Variants in RBFOX3 observed in about 807,000 individuals in gnomAD.
RBFOX3 encodes the protein RNA binding protein fox-1 homolog 3.
A neutral mutation model predicts 48.7 loss-of-function variants in RBFOX3; 17 were observed. That is an observed-to-expected ratio of 0.35 (90% CI 0.24 to 0.52). The LOEUF (loss-of-function observed/expected upper bound fraction) is 0.52. RBFOX3 is among the 20% of genes least tolerant of loss of function. The probability of loss-of-function intolerance (pLI) is 0.94; values close to 1 mark genes in which losing one functional copy is unlikely to be tolerated. For synonymous variants in RBFOX3, 212 were observed against 209.5 expected (o/e 1.01, Z -0.10); for missense variants, 382 against 497.5 (o/e 0.77, Z 2.21).
chr17:79,118,622 C>T (rs2034779152), intron 4 of RBFOX3, among the ~76,000 whole-genome samples: 2 of 152,002 alleles, frequency 1.3e-5, no homozygotes, highest in Non-Finnish European at 2.9e-5. Flanking sequence ...GAGCCTTCAC[C>T]GCCTTGCACT....
chr17:79,462,241 G>A (rs1255814692), intron 2 of RBFOX3, among the ~76,000 whole-genome samples: 7 of 152,308 alleles, frequency 4.6e-5, no homozygotes, highest in East Asian at 1.9e-4. Flanking sequence ...ATGCATGAAC[G>A]ATGTAACGAT....
chr17:79,590,474 A>G (rs1191392528), intron 1 of RBFOX3, among the ~76,000 whole-genome samples: 3 of 152,180 alleles, frequency 2.0e-5, no homozygotes, highest in African/African-American at 7.2e-5. Flanking sequence ...TTTGTTGCCA[A>G]GTTTGGGACT....
At chr17:79,456,472 T>C (rs1456332655) in intron 2 of RBFOX3, among the ~76,000 whole-genome samples, 2 of 151,884 alleles carry the variant, frequency 1.3e-5, no homozygotes, top group African/African-American at 4.8e-5. Context: ...ATGCATCCCC[T>C]GCTGGAGAGA....
intron 2 of RBFOX3, among the ~76,000 whole-genome samples, chr17:79,357,216 T>G (rs72849662): frequency 0.14 from 21,778 of 152,278 alleles, 1,639 homozygotes; most frequent in East Asian, 0.21. Flanking sequence ...GTGTCTGTGC[T>G]TGCACATGAG....
intron 2 of RBFOX3, among the ~76,000 whole-genome samples, chr17:79,441,952 C>T (rs1254876187): frequency 2.0e-5 from 3 of 151,962 alleles, no homozygotes; most frequent in African/African-American, 4.8e-5. Context: ...GCCCGGGCCC[C>T]GCCTTGACCT....
chr17:79,465,538 G>A (rs2076194768), intron 2 of RBFOX3, among the ~76,000 whole-genome samples: 1 of 151,246 alleles, frequency 6.6e-6, no homozygotes, highest in Non-Finnish European at 1.5e-5. Context: ...CCATCAATCA[G>A]GACAGCACCT....
rs1568158390 is a variant in RBFOX3, at chr17:79,115,585, C to T, written c.131G>A (p.Gly44Asp). The T allele has an allele frequency of 7.0e-7, 1 of 1,428,938 alleles. No homozygotes were observed. Among genetic ancestry groups the T allele is most frequent in the Non-Finnish European group, 9.2e-7 (1 of 1,090,914 alleles). The allele number at this position is 1,428,938 out of a possible 1,614,324, so 88.5% of individuals were successfully genotyped here. Residue 44 changes from glycine to aspartate, a missense_variant, in exon 5 of 15, where the codon GGC (glycine) becomes GAC (aspartate). Physicochemically the swap from Gly to Asp is moderately conservative, Grantham distance 94. Around this residue, in one of 3 missense-constraint regions of RBFOX3, gnomAD observed 118 missense variants for 132.1 expected, o/e 0.89. Transcript: ENST00000693108. ...CTGTGCTGGTGTGTACAGGGTCATG[C>T]CATGCTCTGTGGGGACCGGGGTCTG... ...SGQTPVPTEH[G>D]MTLYTPAQTH...
At chr17:79,438,411 C>T (rs531082127) in intron 2 of RBFOX3, among the ~76,000 whole-genome samples, 1 of 152,250 alleles carries the variant, frequency 6.6e-6, no homozygotes, top group Non-Finnish European at 1.5e-5. Context: ...TCTTTTCCCT[C>T]CTCTCCAAGA....
the RBFOX3 span, among the ~76,000 whole-genome samples, chr17:79,622,245 C>G: frequency 2.0e-5 from 3 of 152,236 alleles, no homozygotes; most frequent in East Asian, 5.8e-4. Context: ...AGACCGCCTG[C>G]CCGTGGAGCC....
chr17:79,529,588 G>A (rs1329360484), intron 1 of RBFOX3, among the ~76,000 whole-genome samples: 1 of 152,192 alleles, frequency 6.6e-6, no homozygotes, highest in Non-Finnish European at 1.5e-5. Context: ...GGGCCCTGCC[G>A]AGGCCCCAAG....
chr17:79,501,746 T>C (rs2082413982), intron 1 of RBFOX3, among the ~76,000 whole-genome samples: 3 of 152,208 alleles, frequency 2.0e-5, no homozygotes, highest in Non-Finnish European at 4.4e-5. Flanking sequence ...TCAATAGGCT[T>C]CAAATTAGAC....
At position 79,277,103 on chromosome 17, in the gene RBFOX3, C is replaced by A. The variant is rs147609472; in HGVS notation, c.-74+30621G>T. On this transcript the variant is annotated intron_variant, in intron 3 of 14. Coordinates refer to ENST00000693108, the MANE Select transcript of RBFOX3 (RefSeq NM_001350451.2). ...GTGGGTGACACTGGGCACATTGAGC[C>A]TTGTGTTCCACCAGGGACCAGAGTA... 2.0e-3 allele frequency among the ~76,000 whole-genome samples: 300 copies of A among 152,358 alleles called. 3 individuals are homozygous for A. The highest frequency in any genetic ancestry group is 7.0e-3 in the African/African-American group (293 of 41,582).
At chr17:79,184,113 T>C (rs2052878958) in intron 4 of RBFOX3, among the ~76,000 whole-genome samples, 2 of 488 alleles carry the variant, frequency 4.1e-3, no homozygotes. Flanking sequence ...ATGTCGGTGA[T>C]GTAATCCGAG....
At chr17:79,286,903 G>A (rs905815766) in intron 3 of RBFOX3, among the ~76,000 whole-genome samples, 3 of 152,202 alleles carry the variant, frequency 2.0e-5, no homozygotes, top group Non-Finnish European at 4.4e-5. Flanking sequence ...ACTGTGGGCT[G>A]AGAACGCTGT....
intron 1 of RBFOX3, among the ~76,000 whole-genome samples, chr17:79,560,236 C>A (rs1011774966): frequency 1.3e-5 from 2 of 152,024 alleles, no homozygotes; most frequent in Non-Finnish European, 2.9e-5. Context: ...GGTCACCGAG[C>A]CAGAGCAAAG....
chr17:79,580,638 CAA>C (rs2093028626), intron 1 of RBFOX3, among the ~76,000 whole-genome samples: 1 of 152,148 alleles, frequency 6.6e-6, no homozygotes, highest in Non-Finnish European at 1.5e-5. Flanking sequence ...CTCTTTAGAG[CAA>C]AGTTTTTTTT....
chr17:79,370,594 C>T (rs527646789), intron 2 of RBFOX3, among the ~76,000 whole-genome samples: 12 of 151,620 alleles, frequency 7.9e-5, no homozygotes, highest in African/African-American at 2.4e-4. Flanking sequence ...CACACGTACA[C>T]GTCTCTCATA....
the RBFOX3 span, among the ~76,000 whole-genome samples, chr17:79,622,616 G>A: frequency 0.015 from 2,245 of 152,234 alleles, 59 homozygotes; most frequent in African/African-American, 0.052. Flanking sequence ...TCAGCTGGCC[G>A]TCCCCTCCCT....
intron 4 of RBFOX3, among the ~76,000 whole-genome samples, chr17:79,139,684 T>C (rs2041507020): frequency 6.6e-6 from 1 of 152,122 alleles, no homozygotes; most frequent in Non-Finnish European, 1.5e-5. Context: ...AATTCTTTCC[T>C]ACCAGGATCT....
Sources: allele counts gnomAD v4.1 joint callset (sites outside exome capture counted in the v4.1 genomes callset), GRCh38; gene constraint gnomAD v4.1.1; regional missense constraint gnomAD v4.1.1; transcripts MANE v1.5; gene names NCBI Gene and HGNC (gene_info 2026-07-23, HGNC 2026-07-21).